The following NRXN2 variants were observed in gnomAD, a reference collection of about 807,000 sequenced individuals.
NRXN2 encodes the protein neurexin 2.
NRXN2 carries 29 observed loss-of-function variants against 128.8 expected under a neutral mutation model. The observed-to-expected ratio is 0.23, with a 90% confidence interval of 0.17 to 0.31. The LOEUF is 0.31. NRXN2 is among the 10% of genes least tolerant of loss of function. The probability of loss-of-function intolerance (pLI) is 1.00; values close to 1 mark genes in which losing one functional copy is unlikely to be tolerated. For synonymous variants in NRXN2, 1,098 were observed against 1,075.2 expected, an observed-to-expected ratio of 1.02 and a Z score of -0.41; for missense variants, 1,881 against 2,452.6, an observed-to-expected ratio of 0.77 and a Z score of 4.92.
At chr11:64,673,979 A>T (rs908992714) in intron 7 of NRXN2, among the ~76,000 whole-genome samples, 3 of 147,824 alleles carry the variant, frequency 2.0e-5, no homozygotes. Flanking sequence ...CAGAGGTTGC[A>T]GTGAGCCGAG....
intron 3 of NRXN2, 145 bp downstream of exon 3, chr11:64,697,630 C>T: frequency 3.3e-6 from 3 of 907,448 alleles, no homozygotes; most frequent in Non-Finnish European, 5.3e-6. Context: ...GGCAAGGCAG[C>T]CAAGGGAGGA....
At chr11:64,681,830 C>G (rs1443478223) in intron 6 of NRXN2, among the ~76,000 whole-genome samples, 1 of 151,914 alleles carries the variant, frequency 6.6e-6, no homozygotes, top group Non-Finnish European at 1.5e-5. Context: ...GTATGGAGAA[C>G]AGCACAGCAG....
Position 64,648,710 on chromosome 11 carries a change from C to T in NRXN2, c.3283+24G>A, listed in dbSNP as rs772300968. The T allele has an allele frequency of 1.9e-6, 3 of 1,612,674 alleles. No homozygotes were observed. Among genetic ancestry groups the T allele is most frequent in the Non-Finnish European group, 2.5e-6 (3 of 1,179,856 alleles). ...CATCCTGTAGCCAGTAGGGCCACAC[C>T]TCACTCCTCCACCCTCCACTCACCA... On this transcript the variant is annotated intron_variant, in intron 16 of 22. Transcript: ENST00000265459. The surrounding 1 kb of genome is among the most constrained non-coding windows in gnomAD (Gnocchi z 4.1).
intron 2 of NRXN2, among the ~76,000 whole-genome samples, chr11:64,706,353 T>C (rs2056325916): frequency 7.0e-6 from 1 of 142,100 alleles, no homozygotes; most frequent in Non-Finnish European, 1.5e-5. Flanking sequence ...CCCCGGTGTG[T>C]GATGTTCCCC....
chr11:64,670,846 T>C (rs1777131242), intron 7 of NRXN2, among the ~76,000 whole-genome samples: 1 of 152,052 alleles, frequency 6.6e-6, no homozygotes, highest in Non-Finnish European at 1.5e-5. Context: ...GTCCCAAAGC[T>C]CCCCAGGAAG....
chr11:64,630,672 C>T lies in NRXN2; in HGVS notation c.3586-99G>A. On this transcript the variant is annotated intron_variant, in intron 18 of 22. Transcript: ENST00000265459. This position sits in a 1 kb window ranked among gnomAD's most constrained non-coding sequence, Gnocchi z 4.6. ...CCACCACTAGCCCAGCTCCGCAGCA[C>T]TTAAGGCACCTTTCCCAGGTCTCAA... The T allele has an allele frequency of 2.2e-6, 3 of 1,361,566 alleles. No individual in the cohort carries two copies. The highest frequency in any genetic ancestry group is 3.1e-6 in the Non-Finnish European group (3 of 973,476). The allele number at this position is 1,361,566 out of a possible 1,614,324, so 84.3% of individuals were successfully genotyped here.
At chr11:64,656,572 G>A (rs1219965088) in intron 11 of NRXN2, among the ~76,000 whole-genome samples, 1 of 152,066 alleles carries the variant, frequency 6.6e-6, no homozygotes, top group Non-Finnish European at 1.5e-5. Context: ...TAACCCCCTT[G>A]CAGCTCAGAG....
chr11:64,651,607 C>T lies in NRXN2; in HGVS notation c.2566G>A (p.Glu856Lys). 7 of 1,614,104 alleles carry T rather than the reference C, an allele frequency of 4.3e-6. No individual in the cohort carries two copies. Among genetic ancestry groups the T allele is most frequent in the Non-Finnish European group, 5.9e-6 (7 of 1,180,018 alleles). ...ATGCCCGTCTCAATGTTGTGGAACT[C>T]CAGCCGCATATGGGCTCCTGCCATC... The part of the protein sequence containing the change: ...GQMAGAHMRL[E>K]FHNIETGIMT... The change falls in exon 14 of 23, where the codon GAG becomes AAG. Residue 856 changes from glutamate (E) to lysine (K), a missense_variant. Glu to Lys is a moderately conservative substitution (Grantham distance 56). Around this residue, in one of 7 missense-constraint regions of NRXN2, gnomAD observed 997 missense variants for 1,240.8 expected, o/e 0.80. Transcript: ENST00000265459. This position sits in a 1 kb window ranked among gnomAD's most constrained non-coding sequence, Gnocchi z 5.9.
intron 17 of NRXN2, chr11:64,642,563 G>C: frequency 6.2e-7 from 1 of 1,610,862 alleles, no homozygotes; most frequent in Non-Finnish European, 8.5e-7. Flanking sequence ...GTGAGGAAGG[G>C]CATGCGGTTG....
intron 17 of NRXN2, among the ~76,000 whole-genome samples, chr11:64,640,602 T>G (rs2045518210): frequency 6.7e-6 from 1 of 150,132 alleles, no homozygotes. Context: ...AGGGGTTGGG[T>G]GGGGTCATGG....
At chr11:64,634,817 G>T (rs1223561406) in intron 18 of NRXN2, among the ~76,000 whole-genome samples, 1 of 152,192 alleles carries the variant, frequency 6.6e-6, no homozygotes, top group African/African-American at 2.4e-5. Flanking sequence ...AGGGTGGGCT[G>T]CCCTGGGGCA....
chr11:64,648,198 C>T lies in NRXN2; in HGVS notation c.3403+21G>A. On this transcript the variant is annotated intron_variant, in intron 17 of 22. Transcript: ENST00000265459. This position sits in a 1 kb window ranked among gnomAD's most constrained non-coding sequence, Gnocchi z 4.1. Reference sequence around the variant, plus strand: ...GGACCCTGGTCTCCCCAAACTGCCCCCAGCCCTCCCAGGCACTCACGATCA... The same window carrying T: ...GGACCCTGGTCTCCCCAAACTGCCCTCAGCCCTCCCAGGCACTCACGATCA... 1 of 1,614,076 alleles carries T rather than the reference C, an allele frequency of 6.2e-7. No individual in the cohort carries two copies. Among genetic ancestry groups the T allele is most frequent in the Non-Finnish European group, 8.5e-7 (1 of 1,180,012 alleles).
At chr11:64,612,259 G>A (rs905607029) in intron 22 of NRXN2, among the ~76,000 whole-genome samples, 3 of 152,136 alleles carry the variant, frequency 2.0e-5, no homozygotes, top group East Asian at 1.9e-4. Flanking sequence ...ACCGCTGCCC[G>A]TGCTGCTGGG....
intron 5 of NRXN2, among the ~76,000 whole-genome samples, chr11:64,687,688 A>C (rs1402246930): frequency 6.6e-6 from 1 of 152,214 alleles, no homozygotes; most frequent in Non-Finnish European, 1.5e-5. Context: ...AGCCAGGAAA[A>C]GGAGAACCAT....
At chr11:64,720,051 C>T (rs530055100) in intron 1 of NRXN2, among the ~76,000 whole-genome samples, 68 of 152,350 alleles carry the variant, frequency 4.5e-4, no homozygotes, top group African/African-American at 1.6e-3. Flanking sequence ...ATTGTCCTCT[C>T]AGTGAGTCCT....
In NRXN2 at chr11:64,631,957, C is replaced by T. The variant is rs2043974180; in HGVS notation, c.3586-1384G>A. On this transcript the variant is annotated intron_variant, in intron 18 of 22. Coordinates refer to ENST00000265459, the MANE Select transcript of NRXN2 (RefSeq NM_015080.4). The surrounding 1 kb of genome is among the most constrained non-coding windows in gnomAD (Gnocchi z 4.8). ...ACCCCCTGGCTCACACACTCTCAGG[C>T]ACCCAACCCATCATAGAAACACACT... 6.6e-6 allele frequency among the ~76,000 whole-genome samples: 1 copy of T among 152,226 alleles called. No homozygotes were observed. Among genetic ancestry groups the T allele is most frequent in the Admixed American group, 6.5e-5 (1 of 15,290 alleles).
chr11:64,647,987 G>A (rs1426601108), intron 17 of NRXN2, among the ~76,000 whole-genome samples: 1 of 152,210 alleles, frequency 6.6e-6, no homozygotes, highest in Admixed American at 6.5e-5. Flanking sequence ...CCATCTATCA[G>A]TGGGTCCCCC....
At chr11:64,708,127 G>C (rs2056531563) in intron 2 of NRXN2, among the ~76,000 whole-genome samples, 1 of 150,770 alleles carries the variant, frequency 6.6e-6, no homozygotes, top group African/African-American at 2.4e-5. Context: ...AACTCCCAGA[G>C]CACAGAGTCA....
At position 64,630,717 on chromosome 11, in the gene NRXN2, G is replaced by T; in HGVS notation, c.3586-144C>A. 1 of 934,128 alleles carries T rather than the reference G, an allele frequency of 1.1e-6. No homozygotes were observed. Among genetic ancestry groups the T allele is most frequent in the Non-Finnish European group, 1.7e-6 (1 of 604,172 alleles). The allele number at this position is 934,128 out of a possible 1,614,324, so 57.9% of individuals were successfully genotyped here. A position where few individuals can be genotyped will look rare whatever the true frequency, so the allele number is the denominator to read the frequency against. On this transcript the variant is annotated intron_variant, in intron 18 of 22. Transcript: ENST00000265459. The surrounding 1 kb of genome is among the most constrained non-coding windows in gnomAD (Gnocchi z 4.6). ...TCTCAACCGCTGGAGGAGGTGGGCA[G>T]GCTCGCTCCCCTTCCCCACATGCAA...
Sources: gnomAD v4.1 joint callset for allele counts (sites outside exome capture counted in the v4.1 genomes callset) on GRCh38, gnomAD v4.1.1 for gene constraint, gnomAD v4.1.1 regional missense constraint, Gnocchi (gnomAD v3.1) non-coding constraint, MANE v1.5 for transcripts, NCBI Gene and HGNC (gene_info 2026-07-23, HGNC 2026-07-21) for gene names.